NODAL: variants seen among roughly 807,000 people sequenced by gnomAD.
The protein encoded by NODAL is nodal homolog.
A neutral mutation model predicts 34.0 loss-of-function variants in NODAL; 12 were observed. The observed-to-expected ratio is 0.35, with a 90% CI of 0.23 to 0.57. The LOEUF (loss-of-function observed/expected upper bound fraction) is 0.57. Among genes scored for constraint, NODAL ranks in the 20% least tolerant of loss-of-function variants. The probability of loss-of-function intolerance (pLI) is 0.83; values close to 1 mark genes in which losing one functional copy is unlikely to be tolerated. For synonymous variants in NODAL, 162 were observed against 186.4 expected (o/e 0.87, Z 1.07); for missense variants, 390 against 444.2 (o/e 0.88, Z 1.10).
chr10:70,441,463 G>T lies in NODAL; in HGVS notation c.193+12C>A. On this transcript the variant is annotated intron_variant, in intron 1 of 2. Coordinates refer to ENST00000287139, the MANE Select transcript of NODAL (RefSeq NM_018055.5). Reference sequence around the variant, plus strand: ...GGGTGCCCAGCAGGGCGCGGCACGCGGCACTGCCTACCTTCTGCCTGTAGG... The same window carrying T: ...GGGTGCCCAGCAGGGCGCGGCACGCTGCACTGCCTACCTTCTGCCTGTAGG... 6.4e-7 allele frequency: 1 copy of T among 1,565,736 alleles called. No homozygotes were observed.
At chr10:70,446,134 G>C (rs910648350), upstream of NODAL, among the ~76,000 whole-genome samples, 2 of 152,148 alleles carry the variant, frequency 1.3e-5, no homozygotes, top group African/African-American at 4.8e-5. Context: ...CCTTTTTCCA[G>C]GTGAGGAATG....
At chr10:70,441,781 C>T, upstream of NODAL, 10 of 1,134,610 alleles carry the variant, frequency 8.8e-6, no homozygotes, top group Non-Finnish European at 1.3e-5. Context: ...CATATAACCC[C>T]CCTCCGGAGG....
intron 2 of NODAL, chr10:70,434,929 A>T (rs1303605820): frequency 1.7e-5 from 5 of 301,886 alleles, no homozygotes; most frequent in Non-Finnish European, 2.5e-5. Flanking sequence ...GAGGAGTCAA[A>T]TGCAGGCCTG....
At chr10:70,443,629 C>T (rs376384478), upstream of NODAL, among the ~76,000 whole-genome samples, 1 of 152,056 alleles carries the variant, frequency 6.6e-6, no homozygotes, top group Non-Finnish European at 1.5e-5. Flanking sequence ...CACCTGAGGT[C>T]GGGGGTTTGA....
At chr10:70,443,512 AC>A (rs1845454503), upstream of NODAL, among the ~76,000 whole-genome samples, 1 of 151,506 alleles carries the variant, frequency 6.6e-6, no homozygotes. Context: ...ACATAGCAAG[AC>A]CCTCTTTAAA....
upstream of NODAL, among the ~76,000 whole-genome samples, chr10:70,443,818 A>G (rs961717393): frequency 6.6e-6 from 1 of 151,992 alleles, no homozygotes; most frequent in Non-Finnish European, 1.5e-5. Context: ...CAGCCTGGGC[A>G]ACAAGAGTGA....
chr10:70,433,323 A>C (rs959534609), intron 2 of NODAL, among the ~76,000 whole-genome samples: 2 of 152,192 alleles, frequency 1.3e-5, no homozygotes, highest in Non-Finnish European at 2.9e-5. Flanking sequence ...GATTCAAAAA[A>C]TTACATGTAT....
upstream of NODAL, among the ~76,000 whole-genome samples, chr10:70,444,844 G>T (rs1244755722): frequency 6.6e-6 from 1 of 152,158 alleles, no homozygotes; most frequent in Non-Finnish European, 1.5e-5. Flanking sequence ...TATTGTGGGT[G>T]GTCCATGGTT....
At position 70,432,148 on chromosome 10, in the gene NODAL, T is replaced by G. The variant is rs1392117600; in HGVS notation, c.*788A>C. On this transcript the variant is annotated 3_prime_UTR_variant, in exon 3 of 3. Coordinates refer to ENST00000287139, the MANE Select transcript of NODAL (RefSeq NM_018055.5). ...TGGATAGGAAGCTCAGAGGCCTCAT[T>G]AATAGCACACATTGAGAGACTGAGG... Among the ~76,000 whole-genome samples, 2 of 152,234 alleles carry G rather than the reference T, an allele frequency of 1.3e-5. No individual in the cohort carries two copies. The highest frequency in any genetic ancestry group is 4.8e-5 in the African/African-American group (2 of 41,460).
chr10:70,441,558 G>A lies in NODAL; in HGVS notation c.110C>T (p.Ser37Leu). The A allele has an allele frequency of 6.3e-7, 1 of 1,582,230 alleles. No individual in the cohort carries two copies. Among genetic ancestry groups the A allele is most frequent in the Non-Finnish European group, 8.6e-7 (1 of 1,165,808 alleles). Reference sequence around the variant, plus strand: ...CAGCATGTACGCCAGAGGGGATGGCGACGAGGGCTGCCCCCGCGTACGCAG... The same window carrying A: ...CAGCATGTACGCCAGAGGGGATGGCAACGAGGGCTGCCCCCGCGTACGCAG... ...ALLRTRGQPS[S>L]PSPLAYMLSL... Residue 37 changes from serine (S) to leucine (L), a missense_variant, in exon 1 of 3, where the codon TCG (serine) becomes TTG (leucine). Physicochemically the swap from Ser to Leu is moderately radical, Grantham distance 145. Transcript: ENST00000287139.
chr10:70,445,153 A>T (rs1406817305), upstream of NODAL, among the ~76,000 whole-genome samples: 1 of 152,160 alleles, frequency 6.6e-6, no homozygotes, highest in Non-Finnish European at 1.5e-5. Flanking sequence ...AAACATGCTC[A>T]GCTCAGCTCA....
intron 1 of NODAL, among the ~76,000 whole-genome samples, chr10:70,447,075 CTTTTTTTTTT>C (rs752664373): frequency 7.4e-6 from 1 of 134,724 alleles, no homozygotes; most frequent in South Asian, 2.4e-4. Flanking sequence ...TCTTCTTCTT[CTTTTTTTTTT>C]TTTTTTTGAG....
chr10:70,435,231 C>T, intron 2 of NODAL, 55 bp downstream of exon 2: 11 of 1,457,372 alleles, frequency 7.5e-6, no homozygotes, highest in Admixed American at 1.9e-5. Flanking sequence ...AGCTAGAGCC[C>T]TGTCCCCCAA....
chr10:70,441,750 C>T, upstream of NODAL: 2 of 1,419,916 alleles, frequency 1.4e-6, no homozygotes, highest in Non-Finnish European at 1.9e-6. Context: ...ACCTTTCCTC[C>T]CTCTGGGGAA....
intron 1 of NODAL, among the ~76,000 whole-genome samples, chr10:70,446,811 T>G (rs767167427): frequency 2.6e-5 from 4 of 152,152 alleles, no homozygotes; most frequent in African/African-American, 4.8e-5. Flanking sequence ...GAGCACCTGC[T>G]TCATCATATC....
chr10:70,443,847 T>C (rs1405558047), upstream of NODAL, among the ~76,000 whole-genome samples: 1 of 144,666 alleles, frequency 6.9e-6, no homozygotes, highest in Non-Finnish European at 1.5e-5. Context: ...CTCAAAAAAA[T>C]AAAAAAAAAA....
intron 1 of NODAL, among the ~76,000 whole-genome samples, chr10:70,439,021 T>C (rs1305825943): frequency 6.6e-6 from 1 of 151,632 alleles, no homozygotes; most frequent in Non-Finnish European, 1.5e-5. Flanking sequence ...AGTTCTTTTT[T>C]TTGAGATGGA....
intron 1 of NODAL, 71 bp downstream of exon 1, chr10:70,441,404 A>C: frequency 6.7e-7 from 1 of 1,502,768 alleles, no homozygotes; most frequent in Non-Finnish European, 9.0e-7. Context: ...GCACTTCCCG[A>C]GTCCGCTGGC....
intron 1 of NODAL, among the ~76,000 whole-genome samples, chr10:70,438,219 A>G (rs1468792881): frequency 1.4e-4 from 21 of 152,238 alleles, no homozygotes; most frequent in Middle Eastern, 3.4e-3. Context: ...GCTTGAACCC[A>G]GGAGGTGGAG....
Sources: gnomAD v4.1 joint callset for allele counts (sites outside exome capture counted in the v4.1 genomes callset) on GRCh38, gnomAD v4.1.1 for gene constraint, MANE v1.5 for transcripts, NCBI Gene and HGNC (gene_info 2026-07-23, HGNC 2026-07-21) for gene names.